Variants in ZRANB3 observed in about 807,000 individuals in gnomAD.
ZRANB3 encodes the protein zinc finger RANBP2-type containing 3.
Under a neutral mutation model 133.8 loss-of-function variants are expected in ZRANB3, and 125 were observed. That is an observed-to-expected ratio of 0.93 (90% confidence interval 0.81 to 1.08). The LOEUF (loss-of-function observed/expected upper bound fraction) is 1.08. ZRANB3 is among the 50% of genes least tolerant of loss of function. The probability of loss-of-function intolerance (pLI) is 0.00; values close to 1 mark genes in which losing one functional copy is unlikely to be tolerated. For missense variants in ZRANB3, 1,229 were observed against 1,275.5 expected, an observed-to-expected ratio of 0.96 and a Z score of 0.56; for synonymous variants, 387 against 432.7, an observed-to-expected ratio of 0.89 and a Z score of 1.31.
chr2:135,288,873 C>CGTGTGTGT (rs57200280), intron 8 of ZRANB3, among the ~76,000 whole-genome samples: 3,872 of 141,320 alleles, frequency 0.027, 144 homozygotes, highest in African/African-American at 0.085. Flanking sequence ...CTTCATTTAT[C>CGTGTGTGT]GTGTGTGTGT....
At chr2:135,512,790 A>G (rs1194919707) in intron 1 of ZRANB3, among the ~76,000 whole-genome samples, 2 of 152,060 alleles carry the variant, frequency 1.3e-5, no homozygotes, top group Non-Finnish European at 2.9e-5. Flanking sequence ...CTCAAAATAT[A>G]TCTTAATAAA....
chr2:135,522,152 G>A (rs1349739799), intron 1 of ZRANB3, among the ~76,000 whole-genome samples: 1 of 152,132 alleles, frequency 6.6e-6, no homozygotes, highest in African/African-American at 2.4e-5. Flanking sequence ...ATCTTAAGTA[G>A]TTTAGACACA....
At position 135,275,743 on chromosome 2, in the gene ZRANB3, T is replaced by C. The variant is rs201037135; in HGVS notation, c.979A>G (p.Lys327Glu). The change falls in exon 9 of 21, where the codon AAG becomes GAG. Residue 327 changes from lysine (K) to glutamate (E), a missense_variant. Lys to Glu is a moderately conservative substitution (Grantham distance 56, BLOSUM62 1). Coordinates refer to ENST00000264159, the MANE Select transcript of ZRANB3 (RefSeq NM_032143.4). ...QTAIAKAGAVKDYIKMMLQND... is the reference protein window; with the variant it reads ...QTAIAKAGAVEDYIKMMLQND... ...TGAAGCATCATCTTAATATAATCCT[T>C]TACAGCACCTGCCTAAATATTAAAA... The C allele has an allele frequency of 2.6e-4, 408 of 1,574,188 alleles. No homozygotes were observed. The highest frequency in any genetic ancestry group is 4.1e-5 in the Non-Finnish European group (47 of 1,160,238).
chr2:135,449,878 C>T (rs965279418), intron 2 of ZRANB3, among the ~76,000 whole-genome samples: 1 of 152,108 alleles, frequency 6.6e-6, no homozygotes, highest in Non-Finnish European at 1.5e-5. Flanking sequence ...CTGCTGCAGC[C>T]TCCTGAGTAC....
At chr2:135,322,791 T>C (rs932519103) in intron 6 of ZRANB3, among the ~76,000 whole-genome samples, 3 of 151,860 alleles carry the variant, frequency 2.0e-5, no homozygotes, top group Non-Finnish European at 2.9e-5. Flanking sequence ...CCGAGGCAGG[T>C]GGATCACCTG....
chr2:135,406,248 T>C (rs1688020172), intron 2 of ZRANB3, among the ~76,000 whole-genome samples: 1 of 152,084 alleles, frequency 6.6e-6, no homozygotes, highest in Non-Finnish European at 1.5e-5. Context: ...CCTTGACACA[T>C]ACGCCCTCCC....
At chr2:135,362,502 G>C (rs541659125) in intron 3 of ZRANB3, among the ~76,000 whole-genome samples, 1 of 152,314 alleles carries the variant, frequency 6.6e-6, no homozygotes, top group South Asian at 2.1e-4. Flanking sequence ...TTTATCTAAA[G>C]GGAGGGCACT....
At chr2:135,345,405 T>C (rs571337949) in intron 6 of ZRANB3, 145 bp downstream of exon 6, 49 of 568,180 alleles carry the variant, frequency 8.6e-5, no homozygotes, top group Middle Eastern at 9.7e-4. Context: ...GAGGCAGAGA[T>C]TGTAGTGAGC....
chr2:135,349,658 A>G (rs1438785263), intron 5 of ZRANB3, among the ~76,000 whole-genome samples: 4 of 152,216 alleles, frequency 2.6e-5, no homozygotes, highest in African/African-American at 7.2e-5. Flanking sequence ...TTATAATGTA[A>G]AATAGGATAA....
At chr2:135,481,144 T>C (rs1289848591) in intron 2 of ZRANB3, among the ~76,000 whole-genome samples, 1 of 151,604 alleles carries the variant, frequency 6.6e-6, no homozygotes, top group African/African-American at 2.4e-5. Context: ...ATGGGATGGC[T>C]GGGTCAAATG....
intron 12 of ZRANB3, among the ~76,000 whole-genome samples, chr2:135,262,768 G>A (rs1019984552): frequency 1.3e-5 from 2 of 151,120 alleles, no homozygotes; most frequent in African/African-American, 4.9e-5. Context: ...GTGATAGGCA[G>A]AGAGCCTGTC....
intron 8 of ZRANB3, among the ~76,000 whole-genome samples, chr2:135,307,676 C>T (rs189840203): frequency 1.3e-5 from 2 of 151,794 alleles, no homozygotes; most frequent in Non-Finnish European, 2.9e-5. Flanking sequence ...CTATTGAATG[C>T]TAGGAGTTAT....
In ZRANB3 at chr2:135,202,927, A is replaced by G. The variant is rs1693683374; in HGVS notation, c.3046T>C (p.Phe1016Leu). The G allele has an allele frequency of 1.9e-6, 3 of 1,612,826 alleles. No homozygotes were observed. Among genetic ancestry groups the G allele is most frequent in the South Asian group, 2.2e-5 (2 of 90,682 alleles). ...GGCTTGATGTGATCCACCTGCCAGA[A>G]ATGTCCTTCCCCTGGGTTTCTTATC... Reference protein sequence around the residue: ...EMIRNPGEGHFWQVDHIKPVY... With the variant: ...EMIRNPGEGHLWQVDHIKPVY... Residue 1016 changes from phenylalanine (F) to leucine (L), a missense_variant, in exon 20 of 21, where the codon TTC becomes CTC. Transcript: ENST00000264159.
chr2:135,231,596 CA>C (rs1189282337), intron 12 of ZRANB3, among the ~76,000 whole-genome samples: 1 of 151,764 alleles, frequency 6.6e-6, no homozygotes, highest in African/African-American at 2.4e-5. Context: ...CCCGTCACTA[CA>C]AAAAAACACA....
intron 10 of ZRANB3, among the ~76,000 whole-genome samples, chr2:135,269,695 A>C (rs1198350431): frequency 6.6e-6 from 1 of 152,216 alleles, no homozygotes; most frequent in African/African-American, 2.4e-5. Flanking sequence ...CATGAATTTG[A>C]AATAGTGTGA....
intron 1 of ZRANB3, among the ~76,000 whole-genome samples, chr2:135,508,793 TA>T (rs1693312776): frequency 6.6e-6 from 1 of 152,100 alleles, no homozygotes; most frequent in Non-Finnish European, 1.5e-5. Context: ...GGTTCAGCCA[TA>T]TAGGTTTAAT....
chr2:135,389,384 C>T (rs540331647), intron 3 of ZRANB3, among the ~76,000 whole-genome samples: 2 of 152,228 alleles, frequency 1.3e-5, no homozygotes, highest in African/African-American at 4.8e-5. Context: ...TAAATAAATC[C>T]TTAAATTCTC....
chr2:135,408,581 T>C (rs1574057643), intron 2 of ZRANB3, among the ~76,000 whole-genome samples: 1 of 152,106 alleles, frequency 6.6e-6, no homozygotes, highest in Admixed American at 6.5e-5. Context: ...AACCCAAATG[T>C]CCAACAATGA....
chr2:135,491,520 A>AT lies in ZRANB3; in HGVS notation c.161+12808dup, dbSNP rs1039567791. On this transcript the variant is annotated intron_variant, in intron 2 of 20. Coordinates refer to ENST00000264159, the MANE Select transcript of ZRANB3 (RefSeq NM_032143.4). ...CCACTATGCCTGGCTAATTTTTTGTATTTTTTTTTTTGAGATATAGTCTCA... is the reference window on the plus strand; with the variant it reads ...CCACTATGCCTGGCTAATTTTTTGTATTTTTTTTTTTTGAGATATAGTCTCA... Among the ~76,000 whole-genome samples, 131 of 143,350 alleles carry AT rather than the reference A, an allele frequency of 9.1e-4. 1 individual carries two copies. The highest frequency in any genetic ancestry group is 4.5e-3 in the East Asian group (22 of 4,920). The allele number at this position is 143,350 out of a possible 152,430, so 94.0% of individuals were successfully genotyped here.
Sources: allele counts gnomAD v4.1 joint callset (sites outside exome capture counted in the v4.1 genomes callset), GRCh38; gene constraint gnomAD v4.1.1; transcripts MANE v1.5; gene names NCBI Gene and HGNC (gene_info 2026-07-23, HGNC 2026-07-21).